The following ANO7 variants were observed in gnomAD, a reference collection of about 807,000 sequenced individuals.
ANO7 encodes the protein anoctamin-7.
A neutral mutation model predicts 115.8 loss-of-function variants in ANO7; 114 were observed. The ratio of observed to expected loss-of-function variants is 0.98; its 90% CI spans 0.85 to 1.15. The LOEUF is 1.15. ANO7 is among the 50% of genes most tolerant of loss of function. The pLI is 0.00. For missense variants in ANO7, 1,302 were observed against 1,201.2 expected (o/e 1.08, Z -1.24); for synonymous variants, 550 against 498.2 (o/e 1.10, Z -1.38).
At chr2:241,229,561 T>C (rs15129), downstream of ANO7, 339,483 of 1,471,092 alleles carry the variant, frequency 0.23, 49,240 homozygotes, top group East Asian at 0.72. Flanking sequence ...TGGTTGGGTT[T>C]GGGTCAGCAG....
intron 15 of ANO7, 48 bp from the exon 16 acceptor site, chr2:241,212,046 A>T: frequency 6.5e-7 from 1 of 1,534,680 alleles, no homozygotes. Flanking sequence ...CCCTAGTTGG[A>T]TGCTGGTGAC....
chr2:241,213,112 C>T (rs961326508), intron 17 of ANO7, among the ~76,000 whole-genome samples: 1 of 152,170 alleles, frequency 6.6e-6, no homozygotes, highest in East Asian at 1.9e-4. Flanking sequence ...GGCACACAGG[C>T]CCGCAGAGGC....
chr2:241,215,759 C>T (rs1265680998), intron 18 of ANO7, among the ~76,000 whole-genome samples: 6 of 152,236 alleles, frequency 3.9e-5, no homozygotes, highest in Non-Finnish European at 8.8e-5. Context: ...CGTCCTCGTC[C>T]ACTCCCTCCC....
Position 241,224,274 on chromosome 2 carries a change from A to G in ANO7, c.*121A>G, listed in dbSNP as rs1574805072. On this transcript the variant is annotated 3_prime_UTR_variant, in exon 25 of 25. Coordinates refer to ENST00000674324, the MANE Select transcript of ANO7 (RefSeq NM_001370694.2). The stretch of plus-strand genomic sequence containing the variant: ...GAACCGCTGGCTGCTGTTGTGCCTC[A>G]TCTCTGGGCACATTGCCTGCTTCCC... The G allele has an allele frequency of 3.6e-6, 4 of 1,098,544 alleles. No individual in the cohort carries two copies. The highest frequency in any genetic ancestry group is 2.6e-5 in the East Asian group (1 of 38,868). 68.0% of individuals were successfully genotyped at this position (1,098,544 alleles called of 1,614,324 possible). A position where few individuals can be genotyped will look rare whatever the true frequency, so the allele number is the denominator to read the frequency against.
At chr2:241,208,076 T>C (rs370166762) in intron 11 of ANO7, among the ~76,000 whole-genome samples, 10 of 152,136 alleles carry the variant, frequency 6.6e-5, no homozygotes, top group African/African-American at 1.9e-4. Flanking sequence ...TGAGCCCCAC[T>C]GTCCCCCCTC....
chr2:241,218,531 G>A, intron 21 of ANO7, 150 bp downstream of exon 21: 1 of 663,806 alleles, frequency 1.5e-6, no homozygotes, highest in Non-Finnish European at 2.1e-6. Context: ...GGGGCGCCGT[G>A]GGCAGGGGCT....
At chr2:241,213,817 C>T (rs772940003) in intron 17 of ANO7, among the ~76,000 whole-genome samples, 21 of 152,204 alleles carry the variant, frequency 1.4e-4, no homozygotes, top group Non-Finnish European at 2.9e-4. Context: ...GGCCATGAGC[C>T]AGCCCAACTG....
rs138570717 is a variant in ANO7, at chr2:241,223,370, G to A, written c.2412+94G>A. 3.5e-4 allele frequency: 473 copies of A among 1,350,648 alleles called. 2 individuals are homozygous for A. The African/African-American group carries it at 5.2e-3, about 15-fold the overall frequency. The allele number at this position is 1,350,648 out of a possible 1,614,324, so 83.7% of individuals were successfully genotyped here. A position where few individuals can be genotyped will look rare whatever the true frequency, so the allele number is the denominator to read the frequency against. The stretch of plus-strand genomic sequence containing the variant: ...GAGCACGTGGTGAGGGGTCGGTGCC[G>A]TCACTTCCTGCTGTGTCATCTTGGT... On this transcript the variant is annotated intron_variant, in intron 22 of 24. Transcript: ENST00000674324.
At position 241,201,421 on chromosome 2, in the gene ANO7, C is replaced by A. The variant is rs1279641297; in HGVS notation, c.612+66C>A. 20 of 1,546,768 alleles carry A rather than the reference C, an allele frequency of 1.3e-5. No homozygotes were observed. In the East Asian group the frequency reaches 4.6e-4, roughly 35 times the overall value. ...TGGCTCTGAGGATCCTGCCAGCCCC[C>A]AGCCTCCATGGATGCAGAAAGGCCT... is the stretch of plus-strand genomic sequence containing the variant. On this transcript the variant is annotated intron_variant, in intron 7 of 24. Coordinates refer to ENST00000674324, the MANE Select transcript of ANO7 (RefSeq NM_001370694.2).
At chr2:241,201,792 C>T (rs1366339357) in intron 7 of ANO7, among the ~76,000 whole-genome samples, 6 of 151,920 alleles carry the variant, frequency 3.9e-5, no homozygotes, top group African/African-American at 1.5e-4. Context: ...ACAGGGCACA[C>T]AGTCACGTGG....
chr2:241,219,129 C>T (rs1171862148), intron 21 of ANO7, among the ~76,000 whole-genome samples: 3 of 152,188 alleles, frequency 2.0e-5, no homozygotes, highest in Admixed American at 2.0e-4. Context: ...ATAATAGAAC[C>T]TGCAGAGCAG....
At chr2:241,223,344 C>G in intron 22 of ANO7, 68 bp downstream of exon 22, 1 of 1,557,258 alleles carries the variant, frequency 6.4e-7, no homozygotes. Context: ...TTGCCTAATT[C>G]GAGCACGTGG....
chr2:241,200,224 C>T lies in ANO7; in HGVS notation c.553C>T (p.Arg185Cys), dbSNP rs374021848. The T allele has an allele frequency of 2.4e-5, 39 of 1,612,386 alleles. No homozygotes were observed. The highest frequency in any genetic ancestry group is 2.1e-4 in the African/African-American group (16 of 74,896). ...SCRFRVNKLP[R>C]FLGSDNQDTF... ...CCGGTTCAGAGTGAACAAGCTGCCACGGTAAGGCAGGGGCCCTGCCAGTCG... is the reference window on the plus strand; with the variant it reads ...CCGGTTCAGAGTGAACAAGCTGCCATGGTAAGGCAGGGGCCCTGCCAGTCG... The change falls in exon 6 of 25, where the codon CGC (arginine) becomes TGC (cysteine). Residue 185 changes from arginine to cysteine, a missense_variant and splice_region_variant. Coordinates refer to ENST00000674324, the MANE Select transcript of ANO7 (RefSeq NM_001370694.2).
At chr2:241,208,141 C>T (rs1013267724) in intron 11 of ANO7, among the ~76,000 whole-genome samples, 4 of 152,238 alleles carry the variant, frequency 2.6e-5, no homozygotes, top group African/African-American at 9.6e-5. Flanking sequence ...CAGGGCCTCG[C>T]TTGTACCCCA....
the ANO7 span, among the ~76,000 whole-genome samples, chr2:241,237,404 A>G: frequency 1.2e-4 from 18 of 152,208 alleles, no homozygotes; most frequent in Admixed American, 3.3e-4. Context: ...AATAGACACC[A>G]CAACAATAAG....
chr2:241,192,458 C>A (rs1265844007), intron 3 of ANO7, among the ~76,000 whole-genome samples: 1 of 152,196 alleles, frequency 6.6e-6, no homozygotes, highest in Non-Finnish European at 1.5e-5. Context: ...TTGGCTTTTG[C>A]AGACGCGCCT....
chr2:241,207,673 A>T lies in ANO7; in HGVS notation c.1077+3A>T, dbSNP rs1482064138. On this transcript the variant is annotated splice_donor_region_variant and intron_variant, in intron 11 of 24. Transcript: ENST00000674324. Reference sequence around the variant, plus strand: ...CCAGCGCCTGTGCCCTGGCCCAGGTACGAGAAGAGGTGGGTGGGGTAAGGG... The same window carrying T: ...CCAGCGCCTGTGCCCTGGCCCAGGTTCGAGAAGAGGTGGGTGGGGTAAGGG... 2 of 1,613,414 alleles carry T rather than the reference A, an allele frequency of 1.2e-6. No individual in the cohort carries two copies.
intron 2 of ANO7, 86 bp from the exon 3 acceptor site, chr2:241,191,108 A>G (rs1260650417): frequency 2.0e-6 from 3 of 1,477,534 alleles, no homozygotes; most frequent in African/African-American, 1.4e-5. Context: ...GGAGGCGAGG[A>G]CGGCTTCAGG....
intron 3 of ANO7, among the ~76,000 whole-genome samples, chr2:241,192,981 G>A (rs1475561752): frequency 6.6e-6 from 1 of 152,046 alleles, no homozygotes; most frequent in East Asian, 1.9e-4. Flanking sequence ...GGTCATGGCT[G>A]CACAAGAATG....
Sources: allele counts gnomAD v4.1 joint callset (sites outside exome capture counted in the v4.1 genomes callset), GRCh38; gene constraint gnomAD v4.1.1; transcripts MANE v1.5; gene names NCBI Gene and HGNC (gene_info 2026-07-23, HGNC 2026-07-21).